TRMT11: variants seen among roughly 807,000 people sequenced by gnomAD.
TRMT11 encodes the protein tRNA (guanine(10)-N(2))-methyltransferase TRMT11.
Under a neutral mutation model 62.8 loss-of-function variants are expected in TRMT11, and 53 were observed. That is an observed-to-expected ratio of 0.84 (90% CI 0.68 to 1.06). TRMT11 has a LOEUF of 1.06. TRMT11 is among the 50% of genes least tolerant of loss of function. The pLI is 0.00. For missense variants in TRMT11, 556 were observed against 553.4 expected (o/e 1.00, Z -0.05); for synonymous variants, 188 against 190.3 (o/e 0.99, Z 0.10).
intron 1 of TRMT11, among the ~76,000 whole-genome samples, chr6:126,189,245 G>A (rs1286113336): frequency 6.6e-6 from 1 of 152,110 alleles, no homozygotes; most frequent in Admixed American, 6.6e-5. Context: ...GTATAATGAT[G>A]CCAGACTTAA....
chr6:126,191,417 T>C (rs1005936872), intron 1 of TRMT11, among the ~76,000 whole-genome samples: 1 of 151,878 alleles, frequency 6.6e-6, no homozygotes, highest in Non-Finnish European at 1.5e-5. Context: ...ATGTTAGTTA[T>C]TTCCCTTGTT....
intron 21 of TRMT11, among the ~76,000 whole-genome samples, chr6:126,122,856 TC>T (rs1457089751): frequency 1.3e-5 from 2 of 152,140 alleles, no homozygotes; most frequent in Non-Finnish European, 2.9e-5. Flanking sequence ...TCAGCAAACC[TC>T]TAGGGGCCAG....
upstream of TRMT11, among the ~76,000 whole-genome samples, chr6:126,172,498 A>T (rs1778341654): frequency 6.6e-6 from 1 of 152,330 alleles, no homozygotes; most frequent in East Asian, 1.9e-4. Flanking sequence ...TACCTCACAG[A>T]TTGCTCAGAA....
chr6:126,271,363 C>CAAAAAAAAAA, the TRMT11 span, among the ~76,000 whole-genome samples: 10 of 36,270 alleles, frequency 2.8e-4, no homozygotes, highest in African/African-American at 3.1e-4. Flanking sequence ...GACTCCATCT[C>CAAAAAAAAAA]AAAAAAAAAA....
intron 16 of TRMT11, among the ~76,000 whole-genome samples, chr6:126,045,570 G>A (rs549152386): frequency 2.4e-4 from 37 of 152,322 alleles, no homozygotes; most frequent in African/African-American, 8.7e-4. Flanking sequence ...TCAGAAAGTA[G>A]GTCCAGTGAT....
intron 17 of TRMT11, among the ~76,000 whole-genome samples, chr6:126,058,094 A>T (rs1776422566): frequency 6.6e-6 from 1 of 151,940 alleles, no homozygotes; most frequent in African/African-American, 2.4e-5. Context: ...TCCTAATGCT[A>T]TCCCACTCCT....
chr6:126,066,591 C>T (rs1265162177), intron 17 of TRMT11, among the ~76,000 whole-genome samples: 1 of 152,182 alleles, frequency 6.6e-6, no homozygotes, highest in African/African-American at 2.4e-5. Flanking sequence ...AGCCCCACCT[C>T]TGAAACCATC....
At chr6:126,264,342 T>G in the TRMT11 span, among the ~76,000 whole-genome samples, 1 of 152,184 alleles carries the variant, frequency 6.6e-6, no homozygotes, top group Non-Finnish European at 1.5e-5. Context: ...CATAAAAATA[T>G]GTATATATAG....
chr6:126,012,075 C>T (rs1405394162), intron 9 of TRMT11, among the ~76,000 whole-genome samples: 2 of 151,992 alleles, frequency 1.3e-5, no homozygotes, highest in Non-Finnish European at 2.9e-5. Flanking sequence ...AAAGTTCAGC[C>T]CTTCTATCTC....
chr6:126,136,749 A>G (rs187746944), intron 21 of TRMT11, among the ~76,000 whole-genome samples: 11 of 151,786 alleles, frequency 7.2e-5, no homozygotes, highest in Middle Eastern at 3.4e-3. Context: ...CAAAACTATA[A>G]TAAACATAAC....
intron 1 of TRMT11, 59 bp downstream of exon 1, chr6:125,986,681 G>A (rs2128718660): frequency 2.7e-6 from 4 of 1,473,960 alleles, no homozygotes; most frequent in South Asian, 1.2e-5. Flanking sequence ...GTGGAGTGGA[G>A]TGGGTGGAGG....
chr6:126,131,131 A>T (rs1777777018), intron 21 of TRMT11, among the ~76,000 whole-genome samples: 3 of 152,084 alleles, frequency 2.0e-5, no homozygotes, highest in Admixed American at 6.6e-5. Flanking sequence ...AACGAAGCAG[A>T]ATATACTTTA....
chr6:126,158,645 A>AT (rs1413302938), intron 21 of TRMT11, among the ~76,000 whole-genome samples: 2 of 152,124 alleles, frequency 1.3e-5, no homozygotes, highest in Non-Finnish European at 2.9e-5. Context: ...TACTGTATTT[A>AT]TTTTTTACAT....
At chr6:126,063,696 C>A (rs1299741795) in intron 17 of TRMT11, among the ~76,000 whole-genome samples, 1 of 152,200 alleles carries the variant, frequency 6.6e-6, no homozygotes, top group East Asian at 1.9e-4. Flanking sequence ...GCTGCTGATT[C>A]ATGGGCCATG....
the TRMT11 span, among the ~76,000 whole-genome samples, chr6:126,223,345 C>G: frequency 2.0e-5 from 3 of 151,950 alleles, no homozygotes; most frequent in African/African-American, 7.3e-5. Context: ...GACATGAACC[C>G]GGGAGGTGGA....
chr6:126,158,685 T>C (rs1180973072), intron 21 of TRMT11, among the ~76,000 whole-genome samples: 1 of 152,184 alleles, frequency 6.6e-6, no homozygotes, highest in Admixed American at 6.5e-5. Flanking sequence ...TTGCATTTGG[T>C]ATAAACCAGG....
intron 17 of TRMT11, among the ~76,000 whole-genome samples, chr6:126,079,355 C>T (rs956772926): frequency 3.3e-5 from 5 of 152,080 alleles, no homozygotes; most frequent in South Asian, 2.1e-4. Context: ...CACTACTGCC[C>T]GTATTTAATG....
the TRMT11 span, among the ~76,000 whole-genome samples, chr6:126,244,305 C>CTATA: frequency 2.0e-5 from 3 of 152,022 alleles, no homozygotes; most frequent in Non-Finnish European, 2.9e-5. Flanking sequence ...GCATGGTTTG[C>CTATA]TATATTCTGT....
chr6:126,059,216 C>A (rs1030616865), intron 17 of TRMT11, among the ~76,000 whole-genome samples: 1 of 151,906 alleles, frequency 6.6e-6, no homozygotes, highest in Admixed American at 6.6e-5. Flanking sequence ...ACTTAGTCTC[C>A]CTGTCAATGC....
Sources: allele counts gnomAD v4.1 joint callset (sites outside exome capture counted in the v4.1 genomes callset), GRCh38; gene constraint gnomAD v4.1.1; transcripts MANE v1.5; gene names NCBI Gene and HGNC (gene_info 2026-07-23, HGNC 2026-07-21).